PLD1: variants seen among roughly 807,000 people sequenced by gnomAD.
The protein encoded by PLD1 is phospholipase D1, also known as choline phosphatase 1.
A neutral mutation model predicts 137.1 loss-of-function variants in PLD1; 112 were observed. The observed-to-expected ratio is 0.82, with a 90% CI of 0.70 to 0.96. The LOEUF (loss-of-function observed/expected upper bound fraction) is 0.96. PLD1 is among the 40% of genes least tolerant of loss of function. PLD1 has a pLI of 0.00. For missense variants in PLD1, 1,321 were observed against 1,342.0 expected, an observed-to-expected ratio of 0.98 and a Z score of 0.24; for synonymous variants, 431 against 454.7, an observed-to-expected ratio of 0.95 and a Z score of 0.66.
chr3:171,671,567 T>C (rs1036992147), intron 19 of PLD1, among the ~76,000 whole-genome samples: 2 of 152,184 alleles, frequency 1.3e-5, no homozygotes, highest in Non-Finnish European at 2.9e-5. Context: ...TCATTATCTC[T>C]CTAGTCTAAT....
At chr3:171,605,172 G>A in intron 26 of PLD1, 127 bp downstream of exon 26, 1 of 705,236 alleles carries the variant, frequency 1.4e-6, no homozygotes, top group Non-Finnish European at 2.6e-6. Flanking sequence ...ATTACAACCT[G>A]GACATGTATT....
intron 26 of PLD1, among the ~76,000 whole-genome samples, chr3:171,604,613 C>A (rs1732066240): frequency 6.6e-6 from 1 of 152,106 alleles, no homozygotes; most frequent in South Asian, 2.1e-4. Flanking sequence ...TACTGTTACG[C>A]AACTCTTAAC....
chr3:171,764,124 A>G (rs1160346873), intron 1 of PLD1, among the ~76,000 whole-genome samples: 2 of 151,888 alleles, frequency 1.3e-5, no homozygotes, highest in Non-Finnish European at 2.9e-5. Flanking sequence ...GTCACATGCC[A>G]CCACGTCCAG....
chr3:171,635,716 G>T (rs954419609), intron 23 of PLD1, among the ~76,000 whole-genome samples: 3 of 151,832 alleles, frequency 2.0e-5, no homozygotes, highest in African/African-American at 7.3e-5. Context: ...ATTCTGTGGG[G>T]TGTTTTCACT....
intron 11 of PLD1, among the ~76,000 whole-genome samples, chr3:171,702,922 A>T (rs1342477770): frequency 1.3e-5 from 2 of 152,204 alleles, no homozygotes; most frequent in African/African-American, 4.8e-5. Context: ...AGACAATGCA[A>T]GAAAACTAAA....
chr3:171,679,881 C>T (rs1471028905), intron 16 of PLD1, among the ~76,000 whole-genome samples: 1 of 152,186 alleles, frequency 6.6e-6, no homozygotes, highest in Non-Finnish European at 1.5e-5. Context: ...GTCGAGAGGA[C>T]TTATGGCATC....
chr3:171,760,096 CTTT>C (rs767332556), intron 1 of PLD1, among the ~76,000 whole-genome samples: 3 of 152,088 alleles, frequency 2.0e-5, no homozygotes, highest in Non-Finnish European at 4.4e-5. Flanking sequence ...GTATATTTGA[CTTT>C]TTTATTTATT....
chr3:171,809,217 A>G (rs1224975858), intron 1 of PLD1: 1 of 152,222 alleles, frequency 6.6e-6, no homozygotes, highest in East Asian at 1.9e-4. Flanking sequence ...ATCCCCAAAC[A>G]ACATTTAAAG....
intron 1 of PLD1, among the ~76,000 whole-genome samples, chr3:171,774,649 A>C (rs978032142): frequency 4.6e-5 from 7 of 152,236 alleles, no homozygotes; most frequent in African/African-American, 1.7e-4. Flanking sequence ...TGTAAGACAT[A>C]CAAGTTTATA....
In PLD1 at chr3:171,753,711, G is replaced by A. The variant is rs572867408; in HGVS notation, c.-31-15629C>T. ...CTCCCACCTTTGCTTGTTTCCAACCGTCCTCTCATTATTTCATCAGTCAAC... is the reference window on the plus strand; with the variant it reads ...CTCCCACCTTTGCTTGTTTCCAACCATCCTCTCATTATTTCATCAGTCAAC... On this transcript the variant is annotated intron_variant, in intron 1 of 26. Transcript: ENST00000351298. Among the ~76,000 whole-genome samples, 12 of 151,902 alleles carry A rather than the reference G, an allele frequency of 7.9e-5. No individual in the cohort carries two copies. In the South Asian group the frequency reaches 2.5e-3, roughly 32 times the overall value.
In PLD1 at chr3:171,782,189, CAT is replaced by C. The variant is rs1254722222; in HGVS notation, c.-32+28208_-32+28209del. Among the ~76,000 whole-genome samples, 4 of 152,132 alleles carry C rather than the reference CAT, an allele frequency of 2.6e-5. 1 individual carries two copies. The East Asian group carries it at 5.8e-4, about 22-fold the overall frequency. ...TAATCTTCTAGAAAGGCAAAAATAA[CAT>C]ATTGTGGGAAAAAAATCAAAACAGT... On this transcript the variant is annotated intron_variant, in intron 1 of 26. Transcript: ENST00000351298.
At chr3:171,747,470 CTTTT>C (rs200205947) in intron 1 of PLD1, among the ~76,000 whole-genome samples, 1 of 143,108 alleles carries the variant, frequency 7.0e-6, no homozygotes, top group Non-Finnish European at 1.5e-5. Context: ...CTCTTCCTCT[CTTTT>C]TTTTTTTTTT....
intron 23 of PLD1, among the ~76,000 whole-genome samples, chr3:171,623,857 A>G (rs1733852351): frequency 6.6e-6 from 1 of 152,160 alleles, no homozygotes; most frequent in African/African-American, 2.4e-5. Context: ...TAAAACTCCA[A>G]ATTTTTTTTA....
chr3:171,643,552 C>T (rs1735954071), intron 22 of PLD1, among the ~76,000 whole-genome samples: 2 of 151,932 alleles, frequency 1.3e-5, no homozygotes, highest in Non-Finnish European at 2.9e-5. Flanking sequence ...GATGTTTTTG[C>T]ATAATAAAAG....
At chr3:171,754,926 A>C (rs1720912463) in intron 1 of PLD1, among the ~76,000 whole-genome samples, 1 of 152,140 alleles carries the variant, frequency 6.6e-6, no homozygotes, top group Admixed American at 6.5e-5. Flanking sequence ...CTTGAGACTC[A>C]GCTACTACTA....
chr3:171,797,953 C>T (rs1723495977), intron 1 of PLD1, among the ~76,000 whole-genome samples: 1 of 152,084 alleles, frequency 6.6e-6, no homozygotes, highest in Admixed American at 6.6e-5. Flanking sequence ...TTTTCAAACT[C>T]ATTTTCCATT....
chr3:171,730,025 T>G (rs781168125), intron 6 of PLD1, among the ~76,000 whole-genome samples: 7 of 152,206 alleles, frequency 4.6e-5, no homozygotes, highest in Non-Finnish European at 4.4e-5. Context: ...TCTTGGAAAT[T>G]GTACAATTTG....
chr3:171,722,125 G>C (rs776249220), intron 8 of PLD1, among the ~76,000 whole-genome samples: 3 of 152,050 alleles, frequency 2.0e-5, no homozygotes, highest in Non-Finnish European at 4.4e-5. Context: ...CAAAATCCCA[G>C]TACATTGTTA....
rs142803816 is a variant in PLD1, at chr3:171,803,405, G to C, written c.-32+6994C>G. On this transcript the variant is annotated intron_variant, in intron 1 of 26. Transcript: ENST00000351298. ...ATATACCCCCTGGGCAAAGCCAGTG[G>C]TGTGCTGAGAAATGCTTAGCAACCA... Among the ~76,000 whole-genome samples the C allele has an allele frequency of 5.0e-3, 766 of 152,350 alleles. 4 individuals carry two copies. Among genetic ancestry groups the C allele is most frequent in the African/African-American group, 0.018 (732 of 41,590 alleles).
Sources: gnomAD v4.1 joint callset for allele counts (sites outside exome capture counted in the v4.1 genomes callset) on GRCh38, gnomAD v4.1.1 for gene constraint, MANE v1.5 for transcripts, NCBI Gene and HGNC (gene_info 2026-07-23, HGNC 2026-07-21) for gene names.